SESTD1: variants seen among roughly 807,000 people sequenced by gnomAD.
SESTD1 encodes the protein SEC14 domain and spectrin repeat-containing protein 1.
In SESTD1, 43 loss-of-function variants were observed where a neutral mutation model predicts 101.7. That is an observed-to-expected ratio of 0.42 (90% CI 0.33 to 0.55). SESTD1 has a LOEUF of 0.55. Ranked by LOEUF, SESTD1 falls within the 20% of genes least tolerant of loss-of-function variation. SESTD1 has a pLI of 0.07. For synonymous variants in SESTD1, 283 were observed against 286.8 expected, an observed-to-expected ratio of 0.99 and a Z score of 0.13; for missense variants, 647 against 815.1, an observed-to-expected ratio of 0.79 and a Z score of 2.51.
intron 16 of SESTD1, among the ~76,000 whole-genome samples, chr2:179,114,857 A>C (rs2044593152): frequency 6.6e-6 from 1 of 152,226 alleles, no homozygotes; most frequent in Non-Finnish European, 1.5e-5. Context: ...GATTTCTCCA[A>C]TCATGGCTCT....
At chr2:179,220,600 T>C (rs2046801586) in intron 1 of SESTD1, among the ~76,000 whole-genome samples, 3 of 152,182 alleles carry the variant, frequency 2.0e-5, no homozygotes, top group Non-Finnish European at 4.4e-5. Context: ...CCATTTCCTT[T>C]TCCTTTTCCA....
intron 9 of SESTD1, among the ~76,000 whole-genome samples, chr2:179,139,954 G>GAGGTCAT (rs1287522043): frequency 1.3e-5 from 2 of 152,178 alleles, no homozygotes; most frequent in African/African-American, 4.8e-5. Flanking sequence ...TTACTGGCCA[G>GAGGTCAT]AGGAACCTCA....
chr2:179,242,748 C>T (rs770092667), intron 1 of SESTD1, among the ~76,000 whole-genome samples: 1 of 152,130 alleles, frequency 6.6e-6, no homozygotes, highest in Admixed American at 6.5e-5. Flanking sequence ...TGGCTAGCCA[C>T]GTGCAGAAGA....
At chr2:179,168,187 T>TTCCTCC (rs1249321708) in intron 5 of SESTD1, among the ~76,000 whole-genome samples, 2 of 152,156 alleles carry the variant, frequency 1.3e-5, no homozygotes, top group Admixed American at 1.3e-4. Context: ...CCACTTCCTC[T>TTCCTCC]TCCTCCTCAG....
intron 13 of SESTD1, among the ~76,000 whole-genome samples, chr2:179,118,712 T>A (rs983975868): frequency 5.3e-5 from 8 of 152,374 alleles, no homozygotes; most frequent in African/African-American, 1.9e-4. Context: ...GAAGATGGTA[T>A]CATACATATA....
Position 179,105,212 on chromosome 2 carries a change from C to T in SESTD1, c.*4687G>A, listed in dbSNP as rs1381002472. The T allele has an allele frequency of 1.4e-5, 2 of 147,410 alleles. No individual in the cohort carries two copies. Among genetic ancestry groups the T allele is most frequent in the Non-Finnish European group, 3.0e-5 (2 of 67,248 alleles). 9.1% of individuals were successfully genotyped at this position (147,410 alleles called of 1,614,324 possible). On this transcript the variant is annotated 3_prime_UTR_variant, in exon 18 of 18. Coordinates refer to ENST00000428443, the MANE Select transcript of SESTD1 (RefSeq NM_178123.5). ...TTTTTTTAACCTCATTATTGGGATACTTAAATAACAGATTTATGCTGTTGT... is the reference window on the plus strand; with the variant it reads ...TTTTTTTAACCTCATTATTGGGATATTTAAATAACAGATTTATGCTGTTGT...
intron 1 of SESTD1, among the ~76,000 whole-genome samples, chr2:179,232,446 T>C (rs1204191329): frequency 6.6e-6 from 1 of 152,058 alleles, no homozygotes; most frequent in Non-Finnish European, 1.5e-5. Context: ...CTGGAATTTT[T>C]TTAAGTAAAT....
intron 17 of SESTD1, among the ~76,000 whole-genome samples, chr2:179,111,398 C>T (rs2044502983): frequency 6.6e-6 from 1 of 152,132 alleles, no homozygotes. Flanking sequence ...GTACTTTATA[C>T]TTATTTAGCT....
chr2:179,226,796 A>C (rs1179741361), intron 1 of SESTD1, among the ~76,000 whole-genome samples: 2 of 152,224 alleles, frequency 1.3e-5, no homozygotes, highest in African/African-American at 2.4e-5. Flanking sequence ...TGTCATTTGA[A>C]TGTGTCTATT....
intron 3 of SESTD1, among the ~76,000 whole-genome samples, chr2:179,177,297 T>C (rs529278854): frequency 6.6e-6 from 1 of 152,272 alleles, no homozygotes; most frequent in Non-Finnish European, 1.5e-5. Context: ...ATTATCATTG[T>C]TATTATTATT....
chr2:179,206,537 C>T lies in SESTD1; in HGVS notation c.-25-14671G>A. ...CAGCATGAGCCCAGGGAAGCCATTC[C>T]TGACCTCATTTCACAGAGGTCCCTT... On this transcript the variant is annotated intron_variant, in intron 1 of 17. Coordinates refer to ENST00000428443, the MANE Select transcript of SESTD1 (RefSeq NM_178123.5). Among the ~76,000 whole-genome samples the T allele has an allele frequency of 1.5e-5, 2 of 135,972 alleles. 1 individual carries two copies. The highest frequency in any genetic ancestry group is 3.2e-5 in the Non-Finnish European group (2 of 63,026). 89.2% of individuals were successfully genotyped at this position (135,972 alleles called of 152,430 possible).
At chr2:179,221,401 T>C (rs1428085649) in intron 1 of SESTD1, among the ~76,000 whole-genome samples, 1 of 151,338 alleles carries the variant, frequency 6.6e-6, no homozygotes, top group Non-Finnish European at 1.5e-5. Flanking sequence ...TCACCTGAGG[T>C]CAGGCGTTCA....
chr2:179,121,684 T>A, intron 13 of SESTD1, 86 bp downstream of exon 13: 1 of 1,186,086 alleles, frequency 8.4e-7, no homozygotes. Flanking sequence ...TAAGAACGTT[T>A]TGTCTGTATA....
chr2:179,146,930 T>G lies in SESTD1; in HGVS notation c.582-473A>C, dbSNP rs539647197. On this transcript the variant is annotated intron_variant, in intron 7 of 17. Coordinates refer to ENST00000428443, the MANE Select transcript of SESTD1 (RefSeq NM_178123.5). The stretch of plus-strand genomic sequence containing the variant: ...GTGTGTGTGTGTGTGTGTGTGTGTG[T>G]GTGTGTGTGTGTCCTAGCAGTTGTA... Among the ~76,000 whole-genome samples, 31 of 151,950 alleles carry G rather than the reference T, an allele frequency of 2.0e-4. 1 individual carries two copies. The East Asian group carries it at 5.4e-3, about 27-fold the overall frequency.
intron 1 of SESTD1, among the ~76,000 whole-genome samples, chr2:179,224,206 A>G (rs1293639568): frequency 6.6e-6 from 1 of 152,200 alleles, no homozygotes; most frequent in African/African-American, 2.4e-5. Context: ...TGCTAACATT[A>G]TTGAGCATGT....
intron 1 of SESTD1, 80 bp from the exon 2 acceptor site, chr2:179,191,946 G>C: frequency 3.0e-6 from 3 of 996,728 alleles, no homozygotes; most frequent in Non-Finnish European, 4.6e-6. Context: ...GTTTATCCCA[G>C]AGTTTCTAAA....
chr2:179,117,422 T>A, intron 14 of SESTD1, 110 bp downstream of exon 14: 1 of 920,966 alleles, frequency 1.1e-6, no homozygotes, highest in South Asian at 1.7e-5. Context: ...AGAACCTGAC[T>A]TCAAGAATTT....
chr2:179,170,546 G>A (rs1243537903), intron 5 of SESTD1, among the ~76,000 whole-genome samples: 1 of 152,152 alleles, frequency 6.6e-6, no homozygotes, highest in Non-Finnish European at 1.5e-5. Flanking sequence ...CTTTATTACA[G>A]TATTTGGTCT....
chr2:179,229,856 G>A (rs1203027629), intron 1 of SESTD1, among the ~76,000 whole-genome samples: 1 of 142,286 alleles, frequency 7.0e-6, no homozygotes, highest in Non-Finnish European at 1.5e-5. Context: ...CCCTCAAAAG[G>A]TGAAAAAAAG....
Sources: allele counts gnomAD v4.1 joint callset (sites outside exome capture counted in the v4.1 genomes callset), GRCh38; gene constraint gnomAD v4.1.1; transcripts MANE v1.5; gene names NCBI Gene and HGNC (gene_info 2026-07-23, HGNC 2026-07-21).